Variants in TPO observed in about 807,000 individuals in gnomAD.
TPO encodes thyroid microsomal antigen.
TPO carries 78 observed loss-of-function variants against 96.9 expected under a neutral mutation model. The ratio of observed to expected loss-of-function variants is 0.81; its 90% CI spans 0.67 to 0.97. The LOEUF is 0.97. Ranked by LOEUF, TPO falls within the 50% of genes least tolerant of loss-of-function variation. TPO has a pLI of 0.00. For missense variants in TPO, 1,252 were observed against 1,274.8 expected, an observed-to-expected ratio of 0.98 and a Z score of 0.27; for synonymous variants, 547 against 538.0, an observed-to-expected ratio of 1.02 and a Z score of -0.23.
rs1670019205 is a variant in TPO, at chr2:1,477,083, C to A, written c.820-3C>A. On this transcript the variant is annotated splice_polypyrimidine_tract_variant and splice_region_variant and intron_variant, in intron 7 of 16. Transcript: ENST00000329066. ...GTGACCTTGAACTCCCCTTTGCCTG[C>A]AGCTCCCGGAGGAGGCCCGGCCGGC... is the stretch of plus-strand genomic sequence containing the variant. 3 of 1,601,250 alleles carry A rather than the reference C, an allele frequency of 1.9e-6. No individual in the cohort carries two copies. The African/African-American group carries it at 4.0e-5, about 21-fold the overall frequency.
At chr2:1,452,357 G>A (rs765523625) in intron 5 of TPO, among the ~76,000 whole-genome samples, 2 of 152,174 alleles carry the variant, frequency 1.3e-5, no homozygotes, top group African/African-American at 2.4e-5. Flanking sequence ...GGGCCAAGGG[G>A]CCATGCACCC....
intron 13 of TPO, chr2:1,503,709 C>A: frequency 1.4e-6 from 1 of 726,168 alleles, no homozygotes; most frequent in Admixed American, 2.0e-5. Flanking sequence ...CCTGAGTGAG[C>A]CCCAGTGTGT....
At chr2:1,384,225 T>C (rs28762455) in intron 1 of TPO, among the ~76,000 whole-genome samples, 16,248 of 152,184 alleles carry the variant, frequency 0.11, 1,696 homozygotes, top group African/African-American at 0.27. Flanking sequence ...ATATGAACTG[T>C]AGTTTTTTCC....
intron 14 of TPO, among the ~76,000 whole-genome samples, chr2:1,505,709 C>T (rs999519252): frequency 6.6e-5 from 10 of 151,992 alleles, no homozygotes; most frequent in Admixed American, 2.0e-4. Context: ...CACCTATTGA[C>T]CCATCCTCTA....
chr2:1,516,070 C>G (rs1674671175), intron 14 of TPO, among the ~76,000 whole-genome samples: 1 of 152,170 alleles, frequency 6.6e-6, no homozygotes, highest in South Asian at 2.1e-4. Flanking sequence ...AGGCTGGCAG[C>G]TCCTTGCAGA....
intron 14 of TPO, among the ~76,000 whole-genome samples, chr2:1,511,551 TTC>T (rs988902997): frequency 6.6e-6 from 1 of 152,076 alleles, no homozygotes; most frequent in Non-Finnish European, 1.5e-5. Flanking sequence ...AACAAGAGAT[TTC>T]TCTCTCAGCA....
At chr2:1,450,302 A>G (rs1050746644) in intron 5 of TPO, among the ~76,000 whole-genome samples, 21 of 152,216 alleles carry the variant, frequency 1.4e-4, no homozygotes, top group African/African-American at 5.1e-4. Flanking sequence ...GCGCTCTTCA[A>G]GATGGAAGTT....
At chr2:1,454,391 C>T (rs2148584892) in intron 6 of TPO, among the ~76,000 whole-genome samples, 1 of 152,254 alleles carries the variant, frequency 6.6e-6, no homozygotes, top group East Asian at 1.9e-4. Flanking sequence ...CTGTTTAGCC[C>T]AAAGAGCGCA....
chr2:1,540,522 T>G (rs1680614533), intron 15 of TPO, 72 bp from the exon 16 acceptor site: 1 of 1,603,308 alleles, frequency 6.2e-7, no homozygotes, highest in South Asian at 1.1e-5. Context: ...CCGTCGCTCG[T>G]GCCGTGCTCT....
chr2:1,488,959 C>G (rs2124869936), intron 10 of TPO, among the ~76,000 whole-genome samples: 1 of 152,346 alleles, frequency 6.6e-6, no homozygotes, highest in African/African-American at 2.4e-5. Flanking sequence ...CCCCCTCACT[C>G]CCTGCACCCA....
chr2:1,484,514 A>T, intron 8 of TPO, 82 bp from the exon 9 acceptor site: 1 of 1,585,060 alleles, frequency 6.3e-7, no homozygotes, highest in Non-Finnish European at 8.6e-7. Context: ...CTGTCAAGGA[A>T]GATGCTCTTC....
chr2:1,495,558 C>G (rs2124936660), intron 11 of TPO, among the ~76,000 whole-genome samples: 1 of 152,320 alleles, frequency 6.6e-6, no homozygotes, highest in South Asian at 2.1e-4. Context: ...GCAATACACC[C>G]CAGATAACAG....
At chr2:1,435,407 CT>C (rs1665470813) in intron 4 of TPO, among the ~76,000 whole-genome samples, 1 of 152,192 alleles carries the variant, frequency 6.6e-6, no homozygotes, top group African/African-American at 2.4e-5. Context: ...TCCCGTTGGA[CT>C]GTTAGTGAGC....
intron 3 of TPO, among the ~76,000 whole-genome samples, chr2:1,433,091 A>G (rs1558278664): frequency 6.6e-6 from 1 of 152,122 alleles, no homozygotes; most frequent in East Asian, 1.9e-4. Context: ...CTGTTTCATT[A>G]GCTGGGATGT....
intron 3 of TPO, among the ~76,000 whole-genome samples, chr2:1,423,984 T>G (rs1379114165): frequency 6.6e-6 from 1 of 152,196 alleles, no homozygotes; most frequent in East Asian, 1.9e-4. Context: ...TGTGTGCTGC[T>G]CTCTTAGTAA....
At chr2:1,486,673 A>G (rs548301395) in intron 9 of TPO, among the ~76,000 whole-genome samples, 1 of 152,272 alleles carries the variant, frequency 6.6e-6, no homozygotes, top group African/African-American at 2.4e-5. Flanking sequence ...TATTCCCCCA[A>G]TTAGTTTTTT....
chr2:1,402,376 C>G (rs532699856), intron 1 of TPO, among the ~76,000 whole-genome samples: 1 of 152,130 alleles, frequency 6.6e-6, no homozygotes, highest in East Asian at 1.9e-4. Flanking sequence ...CTCCAGACCC[C>G]GAAGGACCTG....
chr2:1,380,477 T>C (rs1661794362), intron 1 of TPO, among the ~76,000 whole-genome samples: 1 of 151,948 alleles, frequency 6.6e-6, no homozygotes, highest in Non-Finnish European at 1.5e-5. Context: ...GTCATGTTCA[T>C]CATTATATTC....
At chr2:1,429,989 G>A (rs977360779) in intron 3 of TPO, among the ~76,000 whole-genome samples, 21 of 152,162 alleles carry the variant, frequency 1.4e-4, no homozygotes, top group African/African-American at 5.1e-4. Flanking sequence ...AGAATTAAAG[G>A]GGGTTGTTGG....
Sources: allele counts gnomAD v4.1 joint callset (sites outside exome capture counted in the v4.1 genomes callset), GRCh38; gene constraint gnomAD v4.1.1; transcripts MANE v1.5; gene names NCBI Gene and HGNC (gene_info 2026-07-23, HGNC 2026-07-21).